The following HMCN1 variants were observed in gnomAD, a reference collection of about 807,000 sequenced individuals.
HMCN1 encodes the protein hemicentin 1.
In HMCN1, 321 loss-of-function variants were observed where a neutral mutation model predicts 625.9. That is an observed-to-expected ratio of 0.51 (90% CI 0.47 to 0.56). The LOEUF (loss-of-function observed/expected upper bound fraction) is 0.56. HMCN1 is among the 20% of genes least tolerant of loss of function. The pLI is 0.00. For missense variants in HMCN1, 6,588 were observed against 6,887.3 expected, an observed-to-expected ratio of 0.96 and a Z score of 1.54; for synonymous variants, 2,425 against 2,417.6, an observed-to-expected ratio of 1.00 and a Z score of -0.09.
At position 186,137,639 on chromosome 1, in the gene HMCN1, T is replaced by G; in HGVS notation, c.13724T>G (p.Met4575Arg). ...GKPCQGSDLE[M>R]RNCQNKPCPV... ...CCCTGCCAAGGTTCAGATTTGGAAA[T>G]GCGAAACTGTCAAAATAAGCCTTGT... Residue 4575 changes from methionine to arginine, a missense_variant, in exon 88 of 107, where the codon ATG becomes AGG. Transcript: ENST00000271588. 6.2e-7 allele frequency: 1 copy of G among 1,614,048 alleles called. No homozygotes were observed. Among genetic ancestry groups the G allele is most frequent in the Non-Finnish European group, 8.5e-7 (1 of 1,179,972 alleles).
At chr1:186,088,886 G>A (rs1304502481) in intron 63 of HMCN1, 131 bp downstream of exon 63, 1 of 903,320 alleles carries the variant, frequency 1.1e-6, no homozygotes, top group Admixed American at 2.5e-5. Context: ...ACTATCATCA[G>A]TTTTCTGTCT....
intron 8 of HMCN1, among the ~76,000 whole-genome samples, chr1:185,924,609 CCT>C (rs1667180714): frequency 6.6e-6 from 1 of 151,936 alleles, no homozygotes; most frequent in African/African-American, 2.4e-5. Flanking sequence ...TGGCTTAGCC[CCT>C]AATTTGCTAC....
At chr1:185,857,762 T>C (rs769170825) in intron 2 of HMCN1, among the ~76,000 whole-genome samples, 45 of 152,180 alleles carry the variant, frequency 3.0e-4, no homozygotes, top group Non-Finnish European at 5.3e-4. Context: ...CTTTCACCCA[T>C]GTACTCACTA....
Position 185,911,570 on chromosome 1 carries a change from A to G in HMCN1, c.794-104A>G. ...CTTTGGTAAAAAATGAGCCAGTGTT[A>G]TTTGAAATTTGATCATGCTCTTAGT... On this transcript the variant is annotated intron_variant, in intron 5 of 106. Coordinates refer to ENST00000271588, the MANE Select transcript of HMCN1 (RefSeq NM_031935.3). 13 of 880,182 alleles carry G rather than the reference A, an allele frequency of 1.5e-5. No homozygotes were observed. In the South Asian group the frequency reaches 1.7e-4, roughly 12 times the overall value. The allele number at this position is 880,182 out of a possible 1,614,324, so 54.5% of individuals were successfully genotyped here. A position where few individuals can be genotyped will look rare whatever the true frequency, so the allele number is the denominator to read the frequency against.
intron 2 of HMCN1, among the ~76,000 whole-genome samples, chr1:185,854,060 G>A (rs943816986): frequency 6.6e-6 from 1 of 152,094 alleles, no homozygotes; most frequent in African/African-American, 2.4e-5. Flanking sequence ...TAGTTTTTAG[G>A]TGATGGTAAG....
chr1:185,753,704 T>C (rs1654955935), intron 1 of HMCN1, among the ~76,000 whole-genome samples: 1 of 152,176 alleles, frequency 6.6e-6, no homozygotes, highest in African/African-American at 2.4e-5. Context: ...TTTAAGAGTA[T>C]GGTTTTTAAC....
intron 4 of HMCN1, among the ~76,000 whole-genome samples, chr1:185,886,007 T>TA (rs1287428123): frequency 6.6e-6 from 1 of 152,000 alleles, no homozygotes; most frequent in Non-Finnish European, 1.5e-5. Context: ...CTTTTTAAAT[T>TA]AAAAAAAGTA....
At chr1:186,037,045 C>T (rs1418618232) in intron 36 of HMCN1, among the ~76,000 whole-genome samples, 1 of 151,982 alleles carries the variant, frequency 6.6e-6, no homozygotes, top group Non-Finnish European at 1.5e-5. Flanking sequence ...TTCCTTCTTT[C>T]CCCCTTTCCT....
intron 25 of HMCN1, among the ~76,000 whole-genome samples, chr1:185,998,980 C>T (rs1266831114): frequency 6.6e-6 from 1 of 152,038 alleles, no homozygotes; most frequent in Non-Finnish European, 1.5e-5. Flanking sequence ...TTTTTGTTCT[C>T]ATCAGTCAAC....
At chr1:185,963,976 T>G in intron 13 of HMCN1, 81 bp downstream of exon 13, 1 of 1,091,452 alleles carries the variant, frequency 9.2e-7, no homozygotes, top group Non-Finnish European at 1.4e-6. Context: ...TTTGAAATAT[T>G]AATATTAGTA....
At chr1:185,751,409 T>C (rs1295224811) in intron 1 of HMCN1, among the ~76,000 whole-genome samples, 1 of 152,164 alleles carries the variant, frequency 6.6e-6, no homozygotes, top group Non-Finnish European at 1.5e-5. Flanking sequence ...AGGTAAGCTG[T>C]GTTTTCTCTG....
intron 15 of HMCN1, among the ~76,000 whole-genome samples, chr1:185,971,010 A>G (rs1650786295): frequency 6.6e-6 from 1 of 152,120 alleles, no homozygotes; most frequent in Admixed American, 6.6e-5. Flanking sequence ...GAAAGATCCT[A>G]AAATTATCTC....
intron 46 of HMCN1, among the ~76,000 whole-genome samples, chr1:186,061,515 G>A (rs1043297705): frequency 2.0e-5 from 3 of 152,126 alleles, no homozygotes; most frequent in Non-Finnish European, 4.4e-5. Context: ...GGGACACAGA[G>A]CCAAACTATA....
In HMCN1 at chr1:186,024,348, G is replaced by T. The variant is rs75920027; in HGVS notation, c.5749+1195G>T. Reference sequence around the variant, plus strand: ...CTAGTGCTCTTTACAGCTGTCTCCAGCATCTGCTTAGACTTACACTTCCAT... The same window carrying T: ...CTAGTGCTCTTTACAGCTGTCTCCATCATCTGCTTAGACTTACACTTCCAT... On this transcript the variant is annotated intron_variant, in intron 36 of 106. Transcript: ENST00000271588. Among the ~76,000 whole-genome samples, 305 of 152,264 alleles carry T rather than the reference G, an allele frequency of 2.0e-3. 3 individuals are homozygous for T. Among genetic ancestry groups the T allele is most frequent in the African/African-American group, 7.1e-3 (295 of 41,530 alleles).
chr1:186,120,926 A>G (rs971570471), intron 80 of HMCN1, among the ~76,000 whole-genome samples: 1 of 152,198 alleles, frequency 6.6e-6, no homozygotes, highest in Non-Finnish European at 1.5e-5. Flanking sequence ...GATGTATGCT[A>G]TATAGAGGAA....
At chr1:185,865,403 A>G (rs1453201856) in intron 3 of HMCN1, among the ~76,000 whole-genome samples, 2 of 152,160 alleles carry the variant, frequency 1.3e-5, no homozygotes, top group South Asian at 2.1e-4. Flanking sequence ...AGAACTCAGA[A>G]TCTTTTGACT....
At chr1:186,151,125 C>T in intron 93 of HMCN1, 75 bp from the exon 94 acceptor site, 2 of 1,424,054 alleles carry the variant, frequency 1.4e-6, no homozygotes, top group Non-Finnish European at 2.0e-6. Context: ...TCTCTGAATA[C>T]TGGCCCTCTT....
chr1:185,990,303 A>G lies in HMCN1; in HGVS notation c.3237A>G (p.Arg1079=). 1 of 1,614,070 alleles carries G rather than the reference A, an allele frequency of 6.2e-7. No homozygotes were observed. Among genetic ancestry groups the G allele is most frequent in the Non-Finnish European group, 8.5e-7 (1 of 1,179,924 alleles). ...GGCCCAGAGTGTTTGGAGATCAACG[A>G]GGACTGTCCCAGGATAAGCCTGTTG... ...YVRPRVFGDQ[R]GLSQDKPVEI... The change falls in exon 22 of 107, where the codon CGA becomes CGG. Residue 1079 remains arginine (R), a synonymous_variant. Coordinates refer to ENST00000271588, the MANE Select transcript of HMCN1 (RefSeq NM_031935.3).
At chr1:185,951,679 C>T (rs1668682719) in intron 11 of HMCN1, among the ~76,000 whole-genome samples, 1 of 151,710 alleles carries the variant, frequency 6.6e-6, no homozygotes, top group Non-Finnish European at 1.5e-5. Context: ...CAGTGGGGTC[C>T]TACACAGATG....
Sources: allele counts gnomAD v4.1 joint callset (sites outside exome capture counted in the v4.1 genomes callset), GRCh38; gene constraint gnomAD v4.1.1; transcripts MANE v1.5; gene names NCBI Gene and HGNC (gene_info 2026-07-23, HGNC 2026-07-21).